Variants in GLIS3 observed in about 807,000 individuals in gnomAD.
GLIS3 encodes the protein zinc finger protein GLIS3.
Under a neutral mutation model 78.6 loss-of-function variants are expected in GLIS3, and 53 were observed. The observed-to-expected ratio is 0.67, with a 90% CI of 0.54 to 0.85. The LOEUF is 0.85. GLIS3 is among the 40% of genes least tolerant of loss of function. The probability of loss-of-function intolerance (pLI) is 0.00; values close to 1 mark genes in which losing one functional copy is unlikely to be tolerated. For synonymous variants in GLIS3, 684 were observed against 509.9 expected (o/e 1.34, Z -4.60); for missense variants, 1,703 against 1,231.1 (o/e 1.38, Z -5.74).
chr9:3,865,717 G>C (rs1326935638), intron 8 of GLIS3, among the ~76,000 whole-genome samples: 1 of 152,168 alleles, frequency 6.6e-6, no homozygotes, highest in East Asian at 1.9e-4. Flanking sequence ...ATCATCTTGG[G>C]CTTAACATGA....
At chr9:4,015,597 G>A (rs1316647289) in intron 4 of GLIS3, among the ~76,000 whole-genome samples, 1 of 152,094 alleles carries the variant, frequency 6.6e-6, no homozygotes, top group African/African-American at 2.4e-5. Flanking sequence ...ACAATAATAG[G>A]GATTTTCCAG....
At chr9:4,270,180 C>T (rs943200001) in intron 2 of GLIS3, among the ~76,000 whole-genome samples, 1 of 152,220 alleles carries the variant, frequency 6.6e-6, no homozygotes, top group African/African-American at 2.4e-5. Flanking sequence ...GCACTGCTGA[C>T]TCTTAGAGCC....
intron 2 of GLIS3, among the ~76,000 whole-genome samples, chr9:4,269,891 GA>G (rs2130137140): frequency 6.6e-6 from 1 of 152,178 alleles, no homozygotes; most frequent in South Asian, 2.1e-4. Flanking sequence ...GTGAAACCTG[GA>G]AACAAGCCCA....
intron 4 of GLIS3, chr9:4,071,710 G>A (rs1228287303): frequency 2.0e-5 from 3 of 152,154 alleles, no homozygotes; most frequent in Non-Finnish European, 4.4e-5. Flanking sequence ...TCAGAGGAAA[G>A]AAGGACAAAA....
At chr9:4,216,832 G>A (rs1820896485) in intron 2 of GLIS3, among the ~76,000 whole-genome samples, 1 of 152,180 alleles carries the variant, frequency 6.6e-6, no homozygotes, top group Admixed American at 6.5e-5. Context: ...AACAAACAGA[G>A]ATGAAGCAGA....
the GLIS3 span, among the ~76,000 whole-genome samples, chr9:4,482,316 T>G: frequency 1.3e-5 from 2 of 152,248 alleles, no homozygotes; most frequent in Admixed American, 1.3e-4. Flanking sequence ...CCATAGTATC[T>G]TTATAAAATA....
chr9:4,274,157 C>G (rs1331022272), intron 2 of GLIS3, among the ~76,000 whole-genome samples: 3 of 152,172 alleles, frequency 2.0e-5, no homozygotes, highest in Admixed American at 6.5e-5. Context: ...AAAGCCTGAA[C>G]TGGACAATGG....
chr9:4,413,965 C>G, the GLIS3 span, among the ~76,000 whole-genome samples: 3 of 151,998 alleles, frequency 2.0e-5, no homozygotes, highest in African/African-American at 7.3e-5. Context: ...ATTTACAGAC[C>G]TGTGGCCAGA....
At chr9:4,457,190 C>A in the GLIS3 span, among the ~76,000 whole-genome samples, 2 of 152,012 alleles carry the variant, frequency 1.3e-5, no homozygotes, top group South Asian at 4.2e-4. Flanking sequence ...TAGTGAGACC[C>A]TGTCTCTATA....
intron 2 of GLIS3, among the ~76,000 whole-genome samples, chr9:4,340,300 A>AC (rs2130583334): frequency 6.6e-6 from 1 of 151,108 alleles, no homozygotes; most frequent in African/African-American, 2.4e-5. Flanking sequence ...TGAGAAAAAA[A>AC]AAAAAAAGTA....
intron 2 of GLIS3, among the ~76,000 whole-genome samples, chr9:4,268,219 G>C (rs1053990356): frequency 6.7e-6 from 1 of 148,980 alleles, no homozygotes; most frequent in African/African-American, 2.5e-5. Context: ...TTGTAAAACA[G>C]GAGTCATAAT....
intron 1 of GLIS3, among the ~76,000 whole-genome samples, chr9:4,287,486 C>A (rs987715035): frequency 6.6e-6 from 1 of 152,110 alleles, no homozygotes. Context: ...AAAATGTATG[C>A]GATGAGGTGG....
chr9:4,125,782 T>C lies in GLIS3; in HGVS notation c.548A>G (p.Gln183Arg), dbSNP rs1832528843. 1.2e-6 allele frequency: 2 copies of C among 1,614,140 alleles called. No homozygotes were observed. Among genetic ancestry groups the C allele is most frequent in the Non-Finnish European group, 1.7e-6 (2 of 1,180,012 alleles). Reference sequence around the variant, plus strand: ...CAGGTTGGCTGCATTCATTGCCCTCTGTAAGCTAGGACTGATCTGGTTGCA... The same window carrying C: ...CAGGTTGGCTGCATTCATTGCCCTCCGTAAGCTAGGACTGATCTGGTTGCA... ...TACNQISPSL[Q>R]RAMNAANLNI... Residue 183 changes from glutamine (Q) to arginine (R), a missense_variant, in exon 3 of 11, where the codon CAG becomes CGG. By Grantham distance (43) the Gln-to-Arg change is conservative (BLOSUM62 1). Coordinates refer to ENST00000381971, the MANE Select transcript of GLIS3 (RefSeq NM_001042413.2).
At chr9:3,831,894 T>C (rs1365112023) in intron 9 of GLIS3, among the ~76,000 whole-genome samples, 1 of 152,124 alleles carries the variant, frequency 6.6e-6, no homozygotes, top group Admixed American at 6.5e-5. Context: ...GGATCAGTTG[T>C]ATGGATGCCT....
chr9:3,924,688 C>A (rs1349371681), intron 6 of GLIS3, among the ~76,000 whole-genome samples: 1 of 152,126 alleles, frequency 6.6e-6, no homozygotes, highest in Non-Finnish European at 1.5e-5. Context: ...AGAGAACTAC[C>A]AGAGGGAGCA....
intron 4 of GLIS3, among the ~76,000 whole-genome samples, chr9:4,048,299 T>A (rs1825421175): frequency 6.6e-6 from 1 of 152,164 alleles, no homozygotes; most frequent in Non-Finnish European, 1.5e-5. Flanking sequence ...CAAGAAAACA[T>A]GTTTAGCAGA....
chr9:4,030,595 C>G (rs931978615), intron 4 of GLIS3, among the ~76,000 whole-genome samples: 1 of 152,144 alleles, frequency 6.6e-6, no homozygotes, highest in African/African-American at 2.4e-5. Flanking sequence ...AGTCTTTAAG[C>G]CATTTTGAAT....
At chr9:4,040,596 G>C (rs138608128) in intron 4 of GLIS3, among the ~76,000 whole-genome samples, 16 of 152,248 alleles carry the variant, frequency 1.1e-4, no homozygotes, top group African/African-American at 3.6e-4. Flanking sequence ...GATATAGAAG[G>C]AATGGAAAAA....
chr9:3,968,733 G>T (rs1248149775), intron 4 of GLIS3, among the ~76,000 whole-genome samples: 1 of 152,058 alleles, frequency 6.6e-6, no homozygotes, highest in Admixed American at 6.5e-5. Flanking sequence ...ATAAATTGAA[G>T]AACTCATGTA....
Sources: allele counts gnomAD v4.1 joint callset (sites outside exome capture counted in the v4.1 genomes callset), GRCh38; gene constraint gnomAD v4.1.1; transcripts MANE v1.5; gene names NCBI Gene and HGNC (gene_info 2026-07-23, HGNC 2026-07-21).